UTRN: variants seen among roughly 807,000 people sequenced by gnomAD.
UTRN encodes the protein utrophin.
UTRN carries 283 observed loss-of-function variants against 463.9 expected under a neutral mutation model. The observed-to-expected ratio is 0.61, with a 90% CI of 0.55 to 0.67. The LOEUF is 0.67. Among genes scored for constraint, UTRN ranks in the 30% least tolerant of loss-of-function variants. UTRN has a pLI of 0.00. For missense variants in UTRN, 3,922 were observed against 4,084.3 expected, an observed-to-expected ratio of 0.96 and a Z score of 1.08; for synonymous variants, 1,442 against 1,431.5, an observed-to-expected ratio of 1.01 and a Z score of -0.17.
At chr6:144,496,247 G>A (rs550452486) in intron 33 of UTRN, among the ~76,000 whole-genome samples, 2 of 152,258 alleles carry the variant, frequency 1.3e-5, no homozygotes, top group East Asian at 3.9e-4. Context: ...TCCAGTTGAG[G>A]TAATATTGAA....
chr6:144,799,809 T>G (rs1777557879), intron 64 of UTRN, among the ~76,000 whole-genome samples: 1 of 152,234 alleles, frequency 6.6e-6, no homozygotes, highest in South Asian at 2.1e-4. Flanking sequence ...GGCAGCCGAT[T>G]GTGCAGAGAC....
chr6:144,573,034 T>C (rs571276541), intron 50 of UTRN, among the ~76,000 whole-genome samples: 2 of 152,348 alleles, frequency 1.3e-5, no homozygotes, highest in East Asian at 3.9e-4. Flanking sequence ...GCATTCCTAT[T>C]TCTCCACATC....
At chr6:144,756,329 C>A (rs949859491) in intron 57 of UTRN, among the ~76,000 whole-genome samples, 1 of 152,118 alleles carries the variant, frequency 6.6e-6, no homozygotes, top group Non-Finnish European at 1.5e-5. Context: ...CAATCACTCT[C>A]ATAGTGGAAA....
chr6:144,682,590 A>G (rs1053246165), intron 52 of UTRN, among the ~76,000 whole-genome samples: 4 of 152,148 alleles, frequency 2.6e-5, no homozygotes, highest in African/African-American at 9.7e-5. Context: ...ATTAACTTAC[A>G]TTCCCACCAA....
chr6:144,345,804 G>A (rs191415543), intron 2 of UTRN, among the ~76,000 whole-genome samples: 8 of 152,238 alleles, frequency 5.3e-5, no homozygotes, highest in African/African-American at 1.4e-4. Context: ...AAAGGGTCTT[G>A]CTACAAAGGG....
At chr6:144,836,027 A>G (rs755243196) in intron 70 of UTRN, 89 bp downstream of exon 70, 241 of 1,531,804 alleles carry the variant, frequency 1.6e-4, no homozygotes, top group Non-Finnish European at 2.0e-4. Context: ...TTTCAAGACT[A>G]TTGTCTAAGA....
chr6:144,356,447 T>G (rs915803045), intron 2 of UTRN, among the ~76,000 whole-genome samples: 1 of 152,250 alleles, frequency 6.6e-6, no homozygotes, highest in Non-Finnish European at 1.5e-5. Context: ...ATAAAGCAGT[T>G]AGAACAGGCT....
chr6:144,382,184 A>G (rs1780993732), intron 2 of UTRN, among the ~76,000 whole-genome samples: 1 of 152,168 alleles, frequency 6.6e-6, no homozygotes, highest in Non-Finnish European at 1.5e-5. Flanking sequence ...AGCTACAGCG[A>G]TGTTCTTAAG....
At chr6:144,455,832 G>T (rs1246092550) in intron 19 of UTRN, among the ~76,000 whole-genome samples, 2 of 152,146 alleles carry the variant, frequency 1.3e-5, no homozygotes, top group African/African-American at 4.8e-5. Flanking sequence ...GCTGACTATA[G>T]GCTTTGGTCC....
chr6:144,412,946 G>A (rs1450219240), intron 3 of UTRN, among the ~76,000 whole-genome samples: 2 of 152,110 alleles, frequency 1.3e-5, no homozygotes, highest in East Asian at 1.9e-4. Context: ...ACTTTTGAAA[G>A]CATTTAAAAT....
At chr6:144,427,564 T>A (rs952110737) in intron 7 of UTRN, among the ~76,000 whole-genome samples, 1 of 152,224 alleles carries the variant, frequency 6.6e-6, no homozygotes, top group African/African-American at 2.4e-5. Context: ...AATGTTGATT[T>A]GAATTGGTGA....
At chr6:144,470,972 G>A (rs1395082453) in intron 23 of UTRN, among the ~76,000 whole-genome samples, 4 of 150,382 alleles carry the variant, frequency 2.7e-5, no homozygotes, top group Non-Finnish European at 4.4e-5. Context: ...CCGAGATGGC[G>A]GCAGGACAGT....
chr6:144,641,127 C>T (rs1203731519), intron 51 of UTRN, among the ~76,000 whole-genome samples: 2 of 152,116 alleles, frequency 1.3e-5, no homozygotes, highest in African/African-American at 4.8e-5. Flanking sequence ...GCACCTATGA[C>T]ACAGCCTCAG....
chr6:144,718,707 A>AT (rs1486314310), intron 53 of UTRN, among the ~76,000 whole-genome samples: 2 of 152,184 alleles, frequency 1.3e-5, no homozygotes, highest in Non-Finnish European at 2.9e-5. Flanking sequence ...ACAGAACAGT[A>AT]TTTTTAACAT....
At chr6:144,746,581 A>G (rs934480905) in intron 54 of UTRN, among the ~76,000 whole-genome samples, 1 of 151,906 alleles carries the variant, frequency 6.6e-6, no homozygotes, top group Non-Finnish European at 1.5e-5. Flanking sequence ...GGTTCAAGCA[A>G]TTCTCCTGGC....
At chr6:144,403,516 A>G (rs1031736490) in intron 3 of UTRN, among the ~76,000 whole-genome samples, 1 of 152,140 alleles carries the variant, frequency 6.6e-6, no homozygotes, top group African/African-American at 2.4e-5. Flanking sequence ...GGTTAAGAGG[A>G]TGATGATTTC....
intron 69 of UTRN, among the ~76,000 whole-genome samples, chr6:144,829,743 TA>T (rs1780505120): frequency 1.3e-5 from 2 of 151,878 alleles, no homozygotes; most frequent in South Asian, 4.1e-4. Flanking sequence ...AGTGCTAGGT[TA>T]AAATACTTAA....
intron 2 of UTRN, among the ~76,000 whole-genome samples, chr6:144,305,983 A>G (rs992709945): frequency 2.6e-5 from 4 of 152,234 alleles, no homozygotes; most frequent in Admixed American, 2.0e-4. Context: ...AAGATATGAC[A>G]TATTAAATAA....
chr6:144,569,024 CTT>C (rs1800684539), intron 50 of UTRN, among the ~76,000 whole-genome samples: 1 of 151,930 alleles, frequency 6.6e-6, no homozygotes, highest in Non-Finnish European at 1.5e-5. Flanking sequence ...ATTTTATTGA[CTT>C]ATGATATTAT....
Sources: allele counts gnomAD v4.1 joint callset (sites outside exome capture counted in the v4.1 genomes callset), GRCh38; gene constraint gnomAD v4.1.1; transcripts MANE v1.5; gene names NCBI Gene and HGNC (gene_info 2026-07-23, HGNC 2026-07-21).